The following MYO1D variants were observed in gnomAD, a reference collection of about 807,000 sequenced individuals.
MYO1D encodes the protein unconventional myosin-Id.
A neutral mutation model predicts 122.0 loss-of-function variants in MYO1D; 83 were observed. That is an observed-to-expected ratio of 0.68 (90% CI 0.57 to 0.82). The LOEUF (loss-of-function observed/expected upper bound fraction) is 0.82. Ranked by LOEUF, MYO1D falls within the 40% of genes least tolerant of loss-of-function variation. The probability of loss-of-function intolerance (pLI) is 0.00; values close to 1 mark genes in which losing one functional copy is unlikely to be tolerated. For synonymous variants in MYO1D, 464 were observed against 446.9 expected, an observed-to-expected ratio of 1.04 and a Z score of -0.48; for missense variants, 1,157 against 1,269.5, an observed-to-expected ratio of 0.91 and a Z score of 1.35.
intron 16 of MYO1D, among the ~76,000 whole-genome samples, chr17:32,703,150 C>T (rs931280465): frequency 6.6e-6 from 1 of 152,168 alleles, no homozygotes; most frequent in Non-Finnish European, 1.5e-5. Context: ...CCTAGAGCTA[C>T]AATCAAAGCT....
At chr17:32,805,413 C>T (rs1244280152) in intron 1 of MYO1D, among the ~76,000 whole-genome samples, 1 of 152,114 alleles carries the variant, frequency 6.6e-6, no homozygotes, top group African/African-American at 2.4e-5. Context: ...CTCCAAAATA[C>T]ATGTATTTTC....
intron 21 of MYO1D, among the ~76,000 whole-genome samples, chr17:32,581,659 A>G: frequency 6.6e-6 from 1 of 151,584 alleles, no homozygotes; most frequent in Non-Finnish European, 1.5e-5. Flanking sequence ...TGCAGCCTCA[A>G]CTTCCTGGGC....
intron 21 of MYO1D, among the ~76,000 whole-genome samples, chr17:32,530,919 C>T (rs1910490432): frequency 6.6e-6 from 1 of 151,714 alleles, no homozygotes; most frequent in Non-Finnish European, 1.5e-5. Flanking sequence ...AGAACTGATC[C>T]TCCCTCACTG....
Position 32,764,909 on chromosome 17 carries a change from T to C in MYO1D, c.1004A>G (p.Glu335Gly), listed in dbSNP as rs779751030. 6.2e-7 allele frequency: 1 copy of C among 1,614,208 alleles called. No homozygotes were observed. Among genetic ancestry groups the C allele is most frequent in the South Asian group, 1.1e-5 (1 of 91,086 alleles). The change falls in exon 8 of 22, where the codon GAG becomes GGG. Residue 335 changes from glutamate to glycine, a missense_variant. Glu to Gly is a moderately conservative substitution (Grantham distance 98, BLOSUM62 -2). Transcript: ENST00000318217. Reference protein sequence around the residue: ...DIIDKQHTEQEASYGRDAFAK... With the variant: ...DIIDKQHTEQGASYGRDAFAK... ...AAAGGCGTCTCTGCCGTAGCTGGCCTCTTGTTCTGTGTGCTGCTTGTCAAT... is the reference window on the plus strand; with the variant it reads ...AAAGGCGTCTCTGCCGTAGCTGGCCCCTTGTTCTGTGTGCTGCTTGTCAAT...
intron 21 of MYO1D, among the ~76,000 whole-genome samples, chr17:32,573,199 T>C (rs2087246958): frequency 6.6e-6 from 1 of 152,238 alleles, no homozygotes; most frequent in Non-Finnish European, 1.5e-5. Context: ...ATAATTATTA[T>C]TCACTATTTA....
At chr17:32,702,852 C>T (rs1265208624) in intron 16 of MYO1D, among the ~76,000 whole-genome samples, 1 of 152,096 alleles carries the variant, frequency 6.6e-6, no homozygotes, top group Non-Finnish European at 1.5e-5. Flanking sequence ...CTACAAGCTG[C>T]GAGCCACAAT....
chr17:32,876,897 G>C lies in MYO1D; in HGVS notation c.-25C>G, dbSNP rs2091239228. The C allele has an allele frequency of 7.0e-7, 1 of 1,428,258 alleles. No homozygotes were observed. The highest frequency in any genetic ancestry group is 2.5e-5 in the Admixed American group (1 of 40,680). 88.5% of individuals were successfully genotyped at this position (1,428,258 alleles called of 1,614,324 possible). A position where few individuals can be genotyped will look rare whatever the true frequency, so the allele number is the denominator to read the frequency against. On this transcript the variant is annotated 5_prime_UTR_variant, in exon 1 of 22. Transcript: ENST00000318217. The stretch of plus-strand genomic sequence containing the variant: ...TGGCGCCAGCGCGGGGGCTCAGGTG[G>C]GCGCGCTCGGGCCTCCGGGGCCGCT...
chr17:32,839,167 G>A (rs753677534), intron 1 of MYO1D, among the ~76,000 whole-genome samples: 1 of 152,130 alleles, frequency 6.6e-6, no homozygotes, highest in Non-Finnish European at 1.5e-5. Context: ...CTAAAGGAAA[G>A]CAAAAGCAAA....
At chr17:32,592,427 G>A (rs1033271488) in intron 21 of MYO1D, among the ~76,000 whole-genome samples, 4 of 152,146 alleles carry the variant, frequency 2.6e-5, no homozygotes, top group African/African-American at 7.2e-5. Context: ...ATGCATCAAT[G>A]TTGTTGTGTA....
intron 21 of MYO1D, among the ~76,000 whole-genome samples, chr17:32,591,753 T>C (rs1364452826): frequency 6.6e-6 from 1 of 152,164 alleles, no homozygotes; most frequent in Non-Finnish European, 1.5e-5. Context: ...TCATTTTCTA[T>C]GTCAGTTCAT....
At chr17:32,861,736 G>A (rs928115646) in intron 1 of MYO1D, among the ~76,000 whole-genome samples, 7 of 151,988 alleles carry the variant, frequency 4.6e-5, no homozygotes, top group African/African-American at 1.5e-4. Flanking sequence ...AATATGTCTC[G>A]GCCAGGTGCC....
intron 21 of MYO1D, among the ~76,000 whole-genome samples, chr17:32,547,382 G>C (rs1227012288): frequency 6.6e-6 from 1 of 152,166 alleles, no homozygotes. Flanking sequence ...AATCCCATGG[G>C]ACAGGTATTT....
intron 18 of MYO1D, 139 bp downstream of exon 18, chr17:32,654,338 T>A: frequency 1.1e-6 from 1 of 934,378 alleles, no homozygotes; most frequent in Non-Finnish European, 1.6e-6. Flanking sequence ...TTAGAAGCAA[T>A]AAAATGTTTT....
At chr17:32,704,850 C>T (rs866412804) in intron 16 of MYO1D, among the ~76,000 whole-genome samples, 12 of 151,934 alleles carry the variant, frequency 7.9e-5, no homozygotes, top group Middle Eastern at 3.4e-3. Flanking sequence ...AAAGATATAA[C>T]AAAAAAGTAT....
intron 16 of MYO1D, among the ~76,000 whole-genome samples, chr17:32,670,244 T>G (rs768080557): frequency 1.3e-5 from 2 of 152,188 alleles, no homozygotes; most frequent in Non-Finnish European, 2.9e-5. Flanking sequence ...TATCATTGTA[T>G]CAGTGTGAAT....
chr17:32,768,104 A>T (rs1318760154), intron 6 of MYO1D, among the ~76,000 whole-genome samples: 1 of 152,224 alleles, frequency 6.6e-6, no homozygotes. Flanking sequence ...TGAATGTGGG[A>T]GCCTCCAAGA....
At chr17:32,694,806 T>C (rs908556071) in intron 16 of MYO1D, among the ~76,000 whole-genome samples, 20 of 151,230 alleles carry the variant, frequency 1.3e-4, no homozygotes, top group Admixed American at 1.2e-3. Context: ...GAATGCCTCA[T>C]AGGCACCTCG....
intron 21 of MYO1D, chr17:32,505,255 C>G (rs1314373233): frequency 6.6e-6 from 1 of 152,316 alleles, no homozygotes; most frequent in East Asian, 1.9e-4. Context: ...GGCCTCTGCT[C>G]CATCTCAGCC....
At chr17:32,723,742 A>T (rs2089539309) in intron 14 of MYO1D, among the ~76,000 whole-genome samples, 1 of 152,178 alleles carries the variant, frequency 6.6e-6, no homozygotes, top group Non-Finnish European at 1.5e-5. Context: ...GAGTGAGCTC[A>T]TCTTAGCCTA....
Sources: gnomAD v4.1 joint callset for allele counts (sites outside exome capture counted in the v4.1 genomes callset) on GRCh38, gnomAD v4.1.1 for gene constraint, MANE v1.5 for transcripts, NCBI Gene and HGNC (gene_info 2026-07-23, HGNC 2026-07-21) for gene names.